DRC1: variants seen among roughly 807,000 people sequenced by gnomAD.
DRC1 encodes dynein regulatory complex protein 1.
Under a neutral mutation model 98.7 loss-of-function variants are expected in DRC1, and 74 were observed. That is an observed-to-expected ratio of 0.75 (90% confidence interval 0.62 to 0.91). The LOEUF is 0.91. Among genes scored for constraint, DRC1 ranks in the 40% least tolerant of loss-of-function variants. DRC1 has a pLI of 0.00. For missense variants in DRC1, 875 were observed against 886.0 expected, an observed-to-expected ratio of 0.99 and a Z score of 0.16; for synonymous variants, 336 against 334.1, an observed-to-expected ratio of 1.01 and a Z score of -0.06.
rs1160526476 is a variant in DRC1, at chr2:26,455,035, C to A, written c.2064-96C>A. 1.2e-5 allele frequency: 17 copies of A among 1,449,506 alleles called. No homozygotes were observed. The East Asian group carries it at 3.2e-4, about 27-fold the overall frequency. The allele number at this position is 1,449,506 out of a possible 1,614,324, so 89.8% of individuals were successfully genotyped here. A position where few individuals can be genotyped will look rare whatever the true frequency, so the allele number is the denominator to read the frequency against. ...AGAGTGTAGCTTCTGGAGTCTCCCTCCACCTGTAGCCAAAGTACAACCACC... is the reference window on the plus strand; with the variant it reads ...AGAGTGTAGCTTCTGGAGTCTCCCTACACCTGTAGCCAAAGTACAACCACC... On this transcript the variant is annotated intron_variant, in intron 15 of 16. Coordinates refer to ENST00000288710, the MANE Select transcript of DRC1 (RefSeq NM_145038.5).
Position 26,421,279 on chromosome 2 carries a change from T to G in DRC1, c.244-9T>G, listed in dbSNP as rs1460090176. 3 of 1,611,324 alleles carry G rather than the reference T, an allele frequency of 1.9e-6. No homozygotes were observed. Among genetic ancestry groups the G allele is most frequent in the Admixed American group, 3.4e-5 (2 of 59,644 alleles). On this transcript the variant is annotated splice_polypyrimidine_tract_variant and intron_variant, in intron 2 of 16. Coordinates refer to ENST00000288710, the MANE Select transcript of DRC1 (RefSeq NM_145038.5). Reference sequence around the variant, plus strand: ...CTAGCTTTGTAAATTCTTATATCTCTCTTTTTAGAAATTGGCTAAACTTCT... The same window carrying G: ...CTAGCTTTGTAAATTCTTATATCTCGCTTTTTAGAAATTGGCTAAACTTCT...
intron 8 of DRC1, among the ~76,000 whole-genome samples, chr2:26,441,618 A>G (rs1474395835): frequency 1.3e-5 from 2 of 152,196 alleles, no homozygotes; most frequent in African/African-American, 4.8e-5. Flanking sequence ...AAAGCAGTTA[A>G]GAGGAGACTC....
At position 26,424,473 on chromosome 2, in the gene DRC1, C is replaced by T; in HGVS notation, c.540+19C>T. 1 of 1,590,548 alleles carries T rather than the reference C, an allele frequency of 6.3e-7. No homozygotes were observed. The highest frequency in any genetic ancestry group is 8.6e-7 in the Non-Finnish European group (1 of 1,164,352). On this transcript the variant is annotated intron_variant, in intron 4 of 16. Transcript: ENST00000288710. ...ACAGCAGGCAAGAGGCCCGGGCCCT[C>T]CAGCCCAGCCACAGGGGATCTGCCT...
intron 2 of DRC1, among the ~76,000 whole-genome samples, chr2:26,418,093 A>G (rs2147982506): frequency 6.6e-6 from 1 of 152,198 alleles, no homozygotes; most frequent in East Asian, 1.9e-4. Context: ...TCCTGCGGAT[A>G]CATCCCCTCA....
chr2:26,434,877 C>T (rs576049949), intron 7 of DRC1, among the ~76,000 whole-genome samples: 42 of 136,322 alleles, frequency 3.1e-4, no homozygotes, highest in East Asian at 2.2e-3. Flanking sequence ...GGTGACAGAG[C>T]GAGACTCCGT....
chr2:26,418,620 A>AATTTATATATT (rs1558438092), intron 2 of DRC1, among the ~76,000 whole-genome samples: 1 of 89,436 alleles, frequency 1.1e-5, no homozygotes, highest in Non-Finnish European at 1.9e-5. Context: ...AATTATATAT[A>AATTTATATATT]ATATAAATTA....
chr2:26,440,676 C>T (rs549499077), intron 8 of DRC1, among the ~76,000 whole-genome samples, 159 bp downstream of exon 8: 2 of 152,268 alleles, frequency 1.3e-5, no homozygotes, highest in East Asian at 3.9e-4. Context: ...AATCTCTCCC[C>T]AAGAAAAGAG....
chr2:26,426,852 A>G (rs910606742), intron 4 of DRC1, among the ~76,000 whole-genome samples: 1 of 152,206 alleles, frequency 6.6e-6, no homozygotes, highest in Non-Finnish European at 1.5e-5. Context: ...ATCACTTTGT[A>G]TAGTATGGAC....
intron 1 of DRC1, among the ~76,000 whole-genome samples, chr2:26,407,648 A>C (rs545040984): frequency 6.6e-6 from 1 of 152,072 alleles, no homozygotes; most frequent in East Asian, 1.9e-4. Flanking sequence ...ACTTCGTCCG[A>C]CCACCCGGCA....
At chr2:26,420,225 C>T (rs73920272) in intron 2 of DRC1, among the ~76,000 whole-genome samples, 6,059 of 152,222 alleles carry the variant, frequency 0.04, 169 homozygotes, top group African/African-American at 0.075. Flanking sequence ...CACATTACTT[C>T]TCCTGTGTCA....
At chr2:26,413,527 C>T (rs1457327958) in intron 1 of DRC1, among the ~76,000 whole-genome samples, 2 of 152,174 alleles carry the variant, frequency 1.3e-5, no homozygotes, top group African/African-American at 4.8e-5. Flanking sequence ...TTTTTAGTCT[C>T]ATAATAGAGT....
chr2:26,436,670 A>G (rs763088703), intron 7 of DRC1, among the ~76,000 whole-genome samples: 1 of 152,220 alleles, frequency 6.6e-6, no homozygotes, highest in Non-Finnish European at 1.5e-5. Context: ...TCACATGAGC[A>G]TGCATATGGT....
rs192902304 is a variant in DRC1, at chr2:26,410,554, G to A, written c.156-3790G>A. On this transcript the variant is annotated intron_variant, in intron 1 of 16. Coordinates refer to ENST00000288710, the MANE Select transcript of DRC1 (RefSeq NM_145038.5). The stretch of plus-strand genomic sequence containing the variant: ...CCCAAAGTGCTGGGATTACAGGCAT[G>A]AGCCACTGCACCCAGCCAGAGAAAA... Among the ~76,000 whole-genome samples, 41 of 152,230 alleles carry A rather than the reference G, an allele frequency of 2.7e-4. No individual in the cohort carries two copies. The East Asian group carries it at 6.7e-3, about 25-fold the overall frequency.
chr2:26,412,552 C>A (rs902219547), intron 1 of DRC1, among the ~76,000 whole-genome samples: 12 of 152,206 alleles, frequency 7.9e-5, no homozygotes, highest in African/African-American at 2.9e-4. Flanking sequence ...CTGAAGAAGT[C>A]TATAATCTGG....
rs200081298 is a variant in DRC1 at position 26,455,093 on chromosome 2, G to A, written c.2064-38G>A. The A allele has an allele frequency of 5.8e-4, 929 of 1,608,612 alleles. 10 individuals carry two copies. The African/African-American group carries it at 0.011, about 20-fold the overall frequency. On this transcript the variant is annotated intron_variant, in intron 15 of 16. Transcript: ENST00000288710. The stretch of plus-strand genomic sequence containing the variant: ...TGGCCCCTACTTGGCAGAGGATGGA[G>A]GATTCAGTGAGCCTCTAACCGATTT...
intron 4 of DRC1, among the ~76,000 whole-genome samples, chr2:26,426,098 A>G (rs1663276766): frequency 6.6e-6 from 1 of 152,214 alleles, no homozygotes; most frequent in African/African-American, 2.4e-5. Flanking sequence ...ACCCAACTTC[A>G]TTCTTTTGCC....
chr2:26,413,069 A>T (rs1369311767), intron 1 of DRC1, among the ~76,000 whole-genome samples: 3 of 152,272 alleles, frequency 2.0e-5, no homozygotes, highest in Admixed American at 1.3e-4. Flanking sequence ...AGCGTGAGCC[A>T]TCGCGCCCAG....
intron 2 of DRC1, among the ~76,000 whole-genome samples, chr2:26,414,710 T>C (rs1678739466): frequency 6.6e-6 from 1 of 152,248 alleles, no homozygotes. Context: ...AGGCCTTTGG[T>C]AGTCTGTTCC....
chr2:26,404,859 T>C (rs1319839223), intron 1 of DRC1, among the ~76,000 whole-genome samples: 1 of 152,196 alleles, frequency 6.6e-6, no homozygotes, highest in Non-Finnish European at 1.5e-5. Flanking sequence ...GCCTCCCCTG[T>C]GTCCTCACTC....
Sources: gnomAD v4.1 joint callset for allele counts (sites outside exome capture counted in the v4.1 genomes callset) on GRCh38, gnomAD v4.1.1 for gene constraint, MANE v1.5 for transcripts, NCBI Gene and HGNC (gene_info 2026-07-23, HGNC 2026-07-21) for gene names.